Variants in LIMCH1 observed in about 807,000 individuals in gnomAD.
The protein encoded by LIMCH1 is LIM and calponin homology domains 1.
LIMCH1 carries 113 observed loss-of-function variants against 176.5 expected under a neutral mutation model. The observed-to-expected ratio is 0.64, with a 90% CI of 0.55 to 0.75. LIMCH1 has a LOEUF of 0.75. Among genes scored for constraint, LIMCH1 ranks in the 30% least tolerant of loss-of-function variants. LIMCH1 has a pLI of 0.00. For missense variants in LIMCH1, 1,674 were observed against 1,814.9 expected, an observed-to-expected ratio of 0.92 and a Z score of 1.41; for synonymous variants, 619 against 645.9, an observed-to-expected ratio of 0.96 and a Z score of 0.63.
chr4:41,547,857 GTGTGTGTATA>G (rs2079750790), intron 1 of LIMCH1, among the ~76,000 whole-genome samples: 1 of 70,016 alleles, frequency 1.4e-5, no homozygotes, highest in African/African-American at 7.9e-5. Context: ...TATAATTTGT[GTGTGTGTATA>G]TATATATATA....
Position 41,360,924 on chromosome 4 carries a change from G to C in LIMCH1, c.84G>C (p.Gln28His), listed in dbSNP as rs762661931. Residue 28 changes from glutamine (Q) to histidine (H), a missense_variant, in exon 1 of 27, where the codon CAG becomes CAC. By Grantham distance (24) the Gln-to-His change is conservative (BLOSUM62 0). Coordinates refer to the LIMCH1 transcript ENST00000313860. The surrounding 1 kb of genome is among the most constrained non-coding windows in gnomAD (Gnocchi z 4.5). ...CCGAGCCCGCCTTCTCCGAGGCGCAGAAGTGGATTGAGGTAGGTGCGGGTG... is the reference window on the plus strand; with the variant it reads ...CCGAGCCCGCCTTCTCCGAGGCGCACAAGTGGATTGAGGTAGGTGCGGGTG... 1.1e-5 allele frequency: 17 copies of C among 1,583,234 alleles called. 1 individual carries two copies. The Admixed American group carries it at 3.1e-4, about 29-fold the overall frequency.
intron 1 of LIMCH1, among the ~76,000 whole-genome samples, chr4:41,445,836 A>G (rs1456843699): frequency 6.6e-6 from 1 of 152,202 alleles, no homozygotes; most frequent in Non-Finnish European, 1.5e-5. Context: ...TTTCTCTTCC[A>G]GGATGCATTC....
At chr4:41,629,847 GC>G in intron 9 of LIMCH1, 113 bp downstream of exon 9, 1 of 1,248,494 alleles carries the variant, frequency 8.0e-7, no homozygotes, top group Non-Finnish European at 1.1e-6. Context: ...TTGCTCTGTT[GC>G]CCAGGCTGGA....
chr4:41,392,236 A>G (rs1437307030), intron 1 of LIMCH1, among the ~76,000 whole-genome samples: 1 of 152,232 alleles, frequency 6.6e-6, no homozygotes, highest in East Asian at 1.9e-4. Flanking sequence ...GATGTAATAA[A>G]AGAAATAAGC....
chr4:41,414,663 C>T lies in LIMCH1; in HGVS notation c.96+53727C>T, dbSNP rs974939277. ...AACTACTCATCATGGAAGACTTTGT[C>T]TAATGTTGGTCCTGAGTGTGAAATT... On this transcript the variant is annotated intron_variant, in intron 1 of 26. Coordinates refer to the LIMCH1 transcript ENST00000313860. Among the ~76,000 whole-genome samples, 20 of 152,222 alleles carry T rather than the reference C, an allele frequency of 1.3e-4. 1 individual carries two copies. The highest frequency in any genetic ancestry group is 1.2e-3 in the Admixed American group (18 of 15,296).
chr4:41,495,585 G>A lies in LIMCH1; in HGVS notation c.167+979G>A, dbSNP rs377240746. On this transcript the variant is annotated intron_variant, in intron 2 of 26. Coordinates refer to the LIMCH1 transcript ENST00000313860. ...ATTGCTTGGGATCCAATGATGACAC[G>A]GAAGGAATGTGGGTTTGGAGCCTGT... is the stretch of plus-strand genomic sequence containing the variant. Among the ~76,000 whole-genome samples the A allele has an allele frequency of 8.5e-5, 13 of 152,212 alleles. No individual in the cohort carries two copies. The South Asian group carries it at 1.2e-3, about 15-fold the overall frequency.
At chr4:41,536,341 G>A (rs1003304799), upstream of LIMCH1, among the ~76,000 whole-genome samples, 1 of 152,140 alleles carries the variant, frequency 6.6e-6, no homozygotes, top group East Asian at 1.9e-4. Flanking sequence ...AAAAGAACTC[G>A]CTAGACGCCT....
At chr4:41,661,957 C>T in intron 19 of LIMCH1, 1 of 380,826 alleles carries the variant, frequency 2.6e-6, no homozygotes, top group Non-Finnish European at 5.1e-6. Context: ...GTATAATATA[C>T]TGTATTCGTT....
At chr4:41,498,017 G>T (rs4343753) in intron 2 of LIMCH1, among the ~76,000 whole-genome samples, 53,969 of 151,872 alleles carry the variant, frequency 0.36, 11,342 homozygotes, top group African/African-American at 0.58. Context: ...AGAGGACAAA[G>T]AAGGACTGCA....
chr4:41,427,443 G>A (rs1373929235), intron 1 of LIMCH1, among the ~76,000 whole-genome samples: 1 of 152,120 alleles, frequency 6.6e-6, no homozygotes, highest in East Asian at 1.9e-4. Flanking sequence ...CAGTCTTCGG[G>A]GCCATTTCCT....
chr4:41,466,071 G>A (rs969993228), intron 1 of LIMCH1, among the ~76,000 whole-genome samples: 4 of 149,652 alleles, frequency 2.7e-5, no homozygotes, highest in African/African-American at 4.9e-5. Flanking sequence ...TGATTCTCCC[G>A]TTTCAGCCTC....
chr4:41,697,540 T>C lies in LIMCH1; in HGVS notation c.*355T>C. ...ATGATGCAATAAACCTGTTTTGTTT[T>C]AGAATGTCTAGGAATTAAACACTTT... is the stretch of plus-strand genomic sequence containing the variant. On this transcript the variant is annotated 3_prime_UTR_variant, in exon 32 of 32. Coordinates refer to ENST00000503057, the MANE Select transcript of LIMCH1 (RefSeq NM_001330672.2). The C allele has an allele frequency of 4.1e-6, 1 of 242,198 alleles. No individual in the cohort carries two copies. The highest frequency in any genetic ancestry group is 2.2e-5 in the African/African-American group (1 of 44,772). 15.0% of individuals were successfully genotyped at this position (242,198 alleles called of 1,614,324 possible). A position where few individuals can be genotyped will look rare whatever the true frequency, so the allele number is the denominator to read the frequency against.
At chr4:41,604,954 G>A (rs946963936) in intron 3 of LIMCH1, among the ~76,000 whole-genome samples, 21 of 151,972 alleles carry the variant, frequency 1.4e-4, no homozygotes, top group Non-Finnish European at 1.5e-5. Flanking sequence ...CTACCAAGTA[G>A]AAGGAGGCAC....
chr4:41,689,497 T>G, intron 29 of LIMCH1, 30 bp from the exon 30 acceptor site: 1 of 1,263,024 alleles, frequency 7.9e-7, no homozygotes. Context: ...AAACTGAAGT[T>G]TTTATTCTTA....
At chr4:41,532,168 AAAAACAAC>A (rs2077396142) in intron 3 of LIMCH1, among the ~76,000 whole-genome samples, 2 of 151,846 alleles carry the variant, frequency 1.3e-5, no homozygotes, top group African/African-American at 4.8e-5. Flanking sequence ...CACCGCAGGG[AAAAACAAC>A]AAAACACACG....
chr4:41,631,859 G>T (rs1375298214), intron 10 of LIMCH1, among the ~76,000 whole-genome samples: 2 of 152,304 alleles, frequency 1.3e-5, no homozygotes, highest in Middle Eastern at 6.8e-3. Flanking sequence ...GTCCCTTAGA[G>T]AGAGAAAGAA....
chr4:41,394,285 T>A (rs1201350950), intron 1 of LIMCH1, among the ~76,000 whole-genome samples: 8 of 152,194 alleles, frequency 5.3e-5, no homozygotes, highest in African/African-American at 1.7e-4. Flanking sequence ...CTTGTGGTAT[T>A]CTGATAGAAT....
chr4:41,564,326 G>T (rs118152070), intron 1 of LIMCH1, among the ~76,000 whole-genome samples: 1 of 152,180 alleles, frequency 6.6e-6, no homozygotes, highest in East Asian at 1.9e-4. Flanking sequence ...TTCACATTGA[G>T]GCTATTTCAG....
At chr4:41,407,198 G>T (rs143062821) in intron 1 of LIMCH1, among the ~76,000 whole-genome samples, 4 of 152,168 alleles carry the variant, frequency 2.6e-5, no homozygotes, top group African/African-American at 9.6e-5. Flanking sequence ...AAAATCCTTT[G>T]AAAGTCTGTA....
Sources: allele counts gnomAD v4.1 joint callset (sites outside exome capture counted in the v4.1 genomes callset), GRCh38; gene constraint gnomAD v4.1.1; non-coding constraint Gnocchi (gnomAD v3.1); transcripts MANE v1.5; gene names NCBI Gene and HGNC (gene_info 2026-07-23, HGNC 2026-07-21).